EXOC4: variants seen among roughly 807,000 people sequenced by gnomAD.
EXOC4 encodes SEC8-like 1.
Under a neutral mutation model 107.2 loss-of-function variants are expected in EXOC4, and 71 were observed. The observed-to-expected ratio is 0.66, with a 90% CI of 0.55 to 0.81. The LOEUF (loss-of-function observed/expected upper bound fraction) is 0.81, where lower values mean the gene tolerates loss of function less well. EXOC4 is among the 30% of genes least tolerant of loss of function. EXOC4 has a pLI of 0.00. For missense variants in EXOC4, 1,108 were observed against 1,189.6 expected (o/e 0.93, Z 1.01); for synonymous variants, 456 against 441.2 (o/e 1.03, Z -0.42).
chr7:133,932,847 C>A (rs1351641267), intron 13 of EXOC4, among the ~76,000 whole-genome samples: 1 of 151,764 alleles, frequency 6.6e-6, no homozygotes, highest in African/African-American at 2.4e-5. Flanking sequence ...GCTCTTAGGG[C>A]AGTTATCTCA....
chr7:133,783,638 A>C (rs1409657769), intron 10 of EXOC4, among the ~76,000 whole-genome samples: 1 of 152,174 alleles, frequency 6.6e-6, no homozygotes, highest in Non-Finnish European at 1.5e-5. Context: ...GTGGAGAGTT[A>C]GTGTATGGGA....
chr7:133,711,417 C>T (rs1425581709), intron 10 of EXOC4, among the ~76,000 whole-genome samples: 2 of 152,044 alleles, frequency 1.3e-5, no homozygotes, highest in African/African-American at 2.4e-5. Flanking sequence ...CAAACTGAAA[C>T]CCACTGATAA....
intron 10 of EXOC4, among the ~76,000 whole-genome samples, chr7:133,769,817 T>G (rs1013666389): frequency 6.6e-6 from 1 of 151,890 alleles, no homozygotes; most frequent in Non-Finnish European, 1.5e-5. Context: ...GCTTCCAGGT[T>G]TGGAGGCTAT....
At chr7:133,842,271 C>A (rs1798038699) in intron 11 of EXOC4, among the ~76,000 whole-genome samples, 1 of 152,216 alleles carries the variant, frequency 6.6e-6, no homozygotes, top group African/African-American at 2.4e-5. Flanking sequence ...TTTTCATCAG[C>A]AGTGTGTAAG....
chr7:133,474,528 G>T (rs890854973), intron 7 of EXOC4, among the ~76,000 whole-genome samples: 7 of 151,166 alleles, frequency 4.6e-5, no homozygotes, highest in Non-Finnish European at 1.0e-4. Context: ...GGTCAGGCTG[G>T]TCTTGAACTT....
At chr7:133,835,788 T>C (rs1403379226) in intron 11 of EXOC4, among the ~76,000 whole-genome samples, 5 of 152,236 alleles carry the variant, frequency 3.3e-5, no homozygotes, top group Non-Finnish European at 4.4e-5. Context: ...TGTCGGCTTT[T>C]TATGGAGTCA....
At chr7:133,438,876 A>G (rs1238271661) in intron 7 of EXOC4, among the ~76,000 whole-genome samples, 2 of 152,216 alleles carry the variant, frequency 1.3e-5, no homozygotes, top group Non-Finnish European at 2.9e-5. Flanking sequence ...CAAAAACTTG[A>G]TTACCTGTTG....
chr7:133,879,379 C>G (rs1290148847), intron 11 of EXOC4, among the ~76,000 whole-genome samples: 2 of 152,132 alleles, frequency 1.3e-5, no homozygotes, highest in African/African-American at 4.8e-5. Context: ...TGGGTATGAG[C>G]CACCACATCC....
At chr7:133,819,340 G>A (rs1174279134) in intron 11 of EXOC4, among the ~76,000 whole-genome samples, 2 of 133,034 alleles carry the variant, frequency 1.5e-5, no homozygotes, top group African/African-American at 2.9e-5. Context: ...TTAACACTTT[G>A]GTTTTTTCTT....
intron 10 of EXOC4, among the ~76,000 whole-genome samples, chr7:133,660,082 G>C (rs1365844410): frequency 1.3e-5 from 2 of 152,082 alleles, no homozygotes; most frequent in African/African-American, 4.8e-5. Flanking sequence ...CCATCCTGGG[G>C]TTTGTTATTG....
At chr7:133,257,236 AC>A (rs11353878) in intron 1 of EXOC4, among the ~76,000 whole-genome samples, 53,927 of 151,598 alleles carry the variant, frequency 0.36, 11,806 homozygotes, top group African/African-American at 0.63. Context: ...AATGGAACTA[AC>A]CGGGGGGGAC....
At chr7:133,617,490 G>C (rs1287338054) in intron 9 of EXOC4, among the ~76,000 whole-genome samples, 1 of 152,042 alleles carries the variant, frequency 6.6e-6, no homozygotes, top group Non-Finnish European at 1.5e-5. Flanking sequence ...TAACACAAAC[G>C]AACTGCAGAG....
chr7:133,854,064 G>A (rs74833074), intron 11 of EXOC4, among the ~76,000 whole-genome samples: 5,725 of 152,260 alleles, frequency 0.038, 365 homozygotes, highest in African/African-American at 0.13. Flanking sequence ...ACCTCAACCA[G>A]GAACTGGCAG....
At chr7:133,963,280 C>T (rs1800987938) in intron 14 of EXOC4, among the ~76,000 whole-genome samples, 1 of 152,218 alleles carries the variant, frequency 6.6e-6, no homozygotes, top group Non-Finnish European at 1.5e-5. Flanking sequence ...TGTAAAAATG[C>T]TCATAAATTA....
intron 9 of EXOC4, among the ~76,000 whole-genome samples, chr7:133,573,994 T>G (rs1160476305): frequency 3.9e-5 from 6 of 152,378 alleles, no homozygotes; most frequent in Non-Finnish European, 8.8e-5. Context: ...TTTTTTCCAG[T>G]TATTATTTAG....
intron 14 of EXOC4, among the ~76,000 whole-genome samples, chr7:133,986,889 T>C: frequency 6.6e-6 from 1 of 152,154 alleles, no homozygotes; most frequent in Non-Finnish European, 1.5e-5. Context: ...AGTGTTAGGC[T>C]TGATAGCAGC....
intron 13 of EXOC4, among the ~76,000 whole-genome samples, chr7:133,926,194 G>A (rs985493092): frequency 1.3e-5 from 2 of 152,138 alleles, no homozygotes; most frequent in African/African-American, 4.8e-5. Flanking sequence ...AGGAAACTGA[G>A]GTGCAGAGGA....
Position 133,480,059 on chromosome 7 carries a change from G to T in EXOC4, c.1338G>T (p.Ser446=). 6.2e-7 allele frequency: 1 copy of T among 1,613,836 alleles called. No homozygotes were observed. Among genetic ancestry groups the T allele is most frequent in the South Asian group, 1.1e-5 (1 of 91,070 alleles). The change falls in exon 9 of 18, where the codon TCG becomes TCT. Residue 446 remains serine, a synonymous_variant. Coordinates refer to ENST00000253861, the MANE Select transcript of EXOC4 (RefSeq NM_021807.4). The part of the protein sequence containing the change: ...RPKNSLFKFE[S]SSHAISMSAY... Reference sequence around the variant, plus strand: ...CTGTGTTTCTCTGCAGGTTCGAATCGTCCTCCCATGCCATCAGTATGAGCG... The same window carrying T: ...CTGTGTTTCTCTGCAGGTTCGAATCTTCCTCCCATGCCATCAGTATGAGCG...
At chr7:133,759,130 A>C (rs934282810) in intron 10 of EXOC4, among the ~76,000 whole-genome samples, 10 of 148,878 alleles carry the variant, frequency 6.7e-5, no homozygotes, top group Admixed American at 4.0e-4. Flanking sequence ...ACAAACAAAC[A>C]AACCAACAAA....
Sources: allele counts gnomAD v4.1 joint callset (sites outside exome capture counted in the v4.1 genomes callset), GRCh38; gene constraint gnomAD v4.1.1; transcripts MANE v1.5; gene names NCBI Gene and HGNC (gene_info 2026-07-23, HGNC 2026-07-21).